KCNN2: variants seen among roughly 807,000 people sequenced by gnomAD.
KCNN2 encodes small conductance calcium-activated potassium channel protein 2.
KCNN2 carries 24 observed loss-of-function variants against 55.5 expected under a neutral mutation model. The observed-to-expected ratio is 0.43, with a 90% CI of 0.31 to 0.61. The LOEUF is 0.61. Ranked by LOEUF, KCNN2 falls within the 20% of genes least tolerant of loss-of-function variation. KCNN2 has a pLI of 0.08. For missense variants in KCNN2, 754 were observed against 853.6 expected, an observed-to-expected ratio of 0.88 and a Z score of 1.45; for synonymous variants, 431 against 336.1, an observed-to-expected ratio of 1.28 and a Z score of -3.09.
At position 114,398,254 on chromosome 5, in the gene KCNN2, C is replaced by T. The variant is rs80166388; in HGVS notation, c.1219-6184C>T. 3.8e-3 allele frequency among the ~76,000 whole-genome samples: 581 copies of T among 152,232 alleles called. 13 individuals carry two copies. In the East Asian group the frequency reaches 0.047, roughly 12 times the overall value. ...TTTCAATCTTCTGCATGTGGCTAGC[C>T]GGTTTTCCCAGTACCATGTATCAAA... On this transcript the variant is annotated intron_variant, in intron 2 of 7. Coordinates refer to ENST00000673685, the MANE Select transcript of KCNN2 (RefSeq NM_021614.4).
At chr5:114,373,856 C>G (rs1225186719) in intron 2 of KCNN2, among the ~76,000 whole-genome samples, 1 of 149,296 alleles carries the variant, frequency 6.7e-6, no homozygotes, top group Non-Finnish European at 1.5e-5. Context: ...AGTGGCCATT[C>G]AAGCAGTCTT....
At chr5:114,493,579 TAAATC>T in intron 7 of KCNN2, 107 bp downstream of exon 7, 1 of 772,156 alleles carries the variant, frequency 1.3e-6, no homozygotes, top group Non-Finnish European at 2.3e-6. Context: ...ATCTAATTAA[TAAATC>T]AAACCAGCAA....
chr5:114,185,606 G>T (rs548747001), intron 1 of KCNN2, among the ~76,000 whole-genome samples: 1 of 152,250 alleles, frequency 6.6e-6, no homozygotes, highest in South Asian at 2.1e-4. Flanking sequence ...ATAAAACCCT[G>T]CTGTACTCAC....
chr5:114,225,650 C>T (rs937765523), intron 2 of KCNN2, among the ~76,000 whole-genome samples: 1 of 150,926 alleles, frequency 6.6e-6, no homozygotes, highest in African/African-American at 2.4e-5. Context: ...TTTGAGAACA[C>T]CAAGGATAAA....
At chr5:114,281,911 C>G (rs1755632823) in intron 2 of KCNN2, among the ~76,000 whole-genome samples, 2 of 151,716 alleles carry the variant, frequency 1.3e-5, no homozygotes, top group Non-Finnish European at 2.9e-5. Context: ...TTTGTAAATA[C>G]TTAAATTTAA....
intron 3 of KCNN2, among the ~76,000 whole-genome samples, chr5:114,462,607 G>A (rs752287806): frequency 2.6e-5 from 4 of 152,174 alleles, no homozygotes; most frequent in Admixed American, 6.5e-5. Flanking sequence ...TTAGCCCATC[G>A]TCAGGAAATC....
chr5:114,410,286 C>T (rs1023950990), intron 3 of KCNN2, among the ~76,000 whole-genome samples: 2 of 152,190 alleles, frequency 1.3e-5, no homozygotes, highest in Non-Finnish European at 2.9e-5. Flanking sequence ...CGTACGTAGG[C>T]AGCTATTCAC....
At chr5:114,160,814 C>T (rs1434801072) in intron 1 of KCNN2, among the ~76,000 whole-genome samples, 1 of 152,060 alleles carries the variant, frequency 6.6e-6, no homozygotes, top group Non-Finnish European at 1.5e-5. Flanking sequence ...TTATCAGAGA[C>T]TAGGATTGCA....
At chr5:114,220,530 G>C (rs1432315985) in intron 1 of KCNN2, among the ~76,000 whole-genome samples, 4 of 151,352 alleles carry the variant, frequency 2.6e-5, no homozygotes, top group Non-Finnish European at 5.9e-5. Flanking sequence ...ATTCTGAAAG[G>C]GATACAGAAA....
At chr5:114,253,263 T>C (rs757291684) in intron 2 of KCNN2, among the ~76,000 whole-genome samples, 36 of 151,890 alleles carry the variant, frequency 2.4e-4, no homozygotes, top group Admixed American at 3.9e-4. Flanking sequence ...CTAGAATTAA[T>C]AATCTGAAGG....
intron 2 of KCNN2, among the ~76,000 whole-genome samples, chr5:114,296,949 A>G (rs1420466648): frequency 2.6e-5 from 4 of 152,280 alleles, no homozygotes; most frequent in South Asian, 4.1e-4. Context: ...TTGGCAGGTC[A>G]TTTTATTTCA....
intron 2 of KCNN2, among the ~76,000 whole-genome samples, chr5:114,364,362 C>T (rs1399838253): frequency 6.6e-6 from 1 of 152,126 alleles, no homozygotes; most frequent in Admixed American, 6.5e-5. Context: ...GACACCTCTT[C>T]CTAGTGGGTG....
intron 3 of KCNN2, among the ~76,000 whole-genome samples, chr5:114,454,726 T>TTGTCTGTTGATACCAGGCAGGTA (rs1186638815): frequency 6.6e-6 from 1 of 152,174 alleles, no homozygotes; most frequent in Non-Finnish European, 1.5e-5. Context: ...CTCCTGTGAG[T>TTGTCTGTTGATACCAGGCAGGTA]TGTCTGTTGA....
chr5:114,454,843 G>A, intron 3 of KCNN2, among the ~76,000 whole-genome samples: 1 of 152,138 alleles, frequency 6.6e-6, no homozygotes, highest in East Asian at 1.9e-4. Context: ...GTGGTACTTG[G>A]TTTCTCCAAG....
intron 2 of KCNN2, among the ~76,000 whole-genome samples, chr5:114,390,492 G>C (rs1275626990): frequency 1.3e-5 from 2 of 152,138 alleles, no homozygotes; most frequent in Non-Finnish European, 2.9e-5. Flanking sequence ...TTGGAGGCCA[G>C]ATTTTGACAC....
intron 1 of KCNN2, among the ~76,000 whole-genome samples, chr5:114,177,200 C>G (rs1372979352): frequency 2.0e-5 from 3 of 149,882 alleles, no homozygotes; most frequent in Admixed American, 1.3e-4. Context: ...TGCAGTGGCG[C>G]GATCTCGGCT....
At chr5:114,401,904 A>T (rs948074944) in intron 2 of KCNN2, among the ~76,000 whole-genome samples, 2 of 152,376 alleles carry the variant, frequency 1.3e-5, no homozygotes, top group Middle Eastern at 6.8e-3. Context: ...GATTTTACCC[A>T]TCAGGCCATG....
intron 1 of KCNN2, among the ~76,000 whole-genome samples, chr5:114,143,866 A>G (rs1484762653): frequency 1.3e-5 from 2 of 152,214 alleles, no homozygotes; most frequent in African/African-American, 2.4e-5. Flanking sequence ...AACCGTAGCA[A>G]TCATAGCTTG....
intron 3 of KCNN2, among the ~76,000 whole-genome samples, chr5:114,418,148 G>A (rs1434696184): frequency 6.6e-6 from 1 of 152,124 alleles, no homozygotes; most frequent in Non-Finnish European, 1.5e-5. Flanking sequence ...TACATTAAGT[G>A]TGAAAAAAAT....
Sources: gnomAD v4.1 joint callset for allele counts (sites outside exome capture counted in the v4.1 genomes callset) on GRCh38, gnomAD v4.1.1 for gene constraint, MANE v1.5 for transcripts, NCBI Gene and HGNC (gene_info 2026-07-23, HGNC 2026-07-21) for gene names.